SPTBN1: variants seen among roughly 807,000 people sequenced by gnomAD.
The protein encoded by SPTBN1 is spectrin beta chain, non-erythrocytic 1.
SPTBN1 carries 32 observed loss-of-function variants against 266.4 expected under a neutral mutation model. The ratio of observed to expected loss-of-function variants is 0.12; its 90% CI spans 0.09 to 0.16. SPTBN1 has a LOEUF of 0.16. Ranked by LOEUF, SPTBN1 falls within the 10% of genes least tolerant of loss-of-function variation. The pLI is 1.00. For synonymous variants in SPTBN1, 1,336 were observed against 1,162.2 expected (o/e 1.15, Z -3.04); for missense variants, 2,296 against 3,067.1 (o/e 0.75, Z 5.94).
At position 54,575,485 on chromosome 2, in the gene SPTBN1, A is replaced by T. The variant is rs567598218; in HGVS notation, c.149-23607A>T. On this transcript the variant is annotated intron_variant, in intron 2 of 35. Coordinates refer to ENST00000356805, the MANE Select transcript of SPTBN1 (RefSeq NM_003128.3). ...GTAATGCATCTGCATATCTCGAAGGACAAAACTGACGTCCACCCACTTGTG... is the reference window on the plus strand; with the variant it reads ...GTAATGCATCTGCATATCTCGAAGGTCAAAACTGACGTCCACCCACTTGTG... 1.5e-3 allele frequency among the ~76,000 whole-genome samples: 236 copies of T among 152,394 alleles called. 1 individual carries two copies. Among genetic ancestry groups the T allele is most frequent in the Non-Finnish European group, 2.7e-3 (183 of 68,040 alleles).
At chr2:54,457,857 T>G (rs923927497) in intron 1 of SPTBN1, among the ~76,000 whole-genome samples, 1 of 152,222 alleles carries the variant, frequency 6.6e-6, no homozygotes, top group Non-Finnish European at 1.5e-5. Flanking sequence ...GCACCTCTTC[T>G]TGGGCTGCGC....
At chr2:54,507,279 G>T (rs1430758938) in intron 1 of SPTBN1, among the ~76,000 whole-genome samples, 1 of 152,058 alleles carries the variant, frequency 6.6e-6, no homozygotes, top group Non-Finnish European at 1.5e-5. Flanking sequence ...GCTTAGCTTG[G>T]GCTCAGAGGC....
intron 1 of SPTBN1, among the ~76,000 whole-genome samples, chr2:54,506,894 C>CT (rs779582626): frequency 7.5e-6 from 1 of 133,502 alleles, no homozygotes; most frequent in East Asian, 2.1e-4. Context: ...GGTTCTCTCT[C>CT]TTTTTTTTTT....
At chr2:54,539,010 G>A (rs1049328736) in intron 2 of SPTBN1, among the ~76,000 whole-genome samples, 6 of 152,082 alleles carry the variant, frequency 3.9e-5, no homozygotes, top group Non-Finnish European at 5.9e-5. Context: ...TGCCTGTATG[G>A]TTCACAGTAA....
chr2:54,593,873 G>A lies in SPTBN1; in HGVS notation c.149-5219G>A, dbSNP rs138333461. ...TTTGAGACAGAGTCTTAACGCTGTCGCCCAGGCTGGAGTGCGGTGGCATGA... is the reference window on the plus strand; with the variant it reads ...TTTGAGACAGAGTCTTAACGCTGTCACCCAGGCTGGAGTGCGGTGGCATGA... On this transcript the variant is annotated intron_variant, in intron 2 of 35. Coordinates refer to ENST00000356805, the MANE Select transcript of SPTBN1 (RefSeq NM_003128.3). 4.9e-3 allele frequency among the ~76,000 whole-genome samples: 556 copies of A among 114,578 alleles called. 5 individuals are homozygous for A. Among genetic ancestry groups the A allele is most frequent in the Middle Eastern group, 0.033 (4 of 120 alleles). 75.2% of individuals were successfully genotyped at this position (114,578 alleles called of 152,430 possible). A position where few individuals can be genotyped will look rare whatever the true frequency, so the allele number is the denominator to read the frequency against.
intron 2 of SPTBN1, 143 bp downstream of exon 2, chr2:54,526,709 C>A: frequency 9.7e-7 from 1 of 1,026,752 alleles, no homozygotes; most frequent in Non-Finnish European, 1.3e-6. Context: ...AGCCAGCTGA[C>A]CATTTTATAA....
intron 9 of SPTBN1, 77 bp from the exon 10 acceptor site, chr2:54,623,400 TTA>T: frequency 8.0e-7 from 1 of 1,247,144 alleles, no homozygotes. Context: ...CAGACCAGAG[TTA>T]AATGGTTTTT....
intron 1 of SPTBN1, chr2:54,515,771 C>T (rs990568519): frequency 1.3e-5 from 2 of 152,234 alleles, no homozygotes; most frequent in Non-Finnish European, 2.9e-5. Flanking sequence ...AAATGATCCT[C>T]CTGCCTGGGC....
intron 3 of SPTBN1, among the ~76,000 whole-genome samples, chr2:54,605,874 G>T (rs1017532725): frequency 2.0e-5 from 3 of 152,206 alleles, no homozygotes; most frequent in Non-Finnish European, 4.4e-5. Flanking sequence ...GGTCTGGAAT[G>T]AACCATCCCT....
chr2:54,559,132 G>A (rs1673098068), intron 2 of SPTBN1, among the ~76,000 whole-genome samples: 2 of 152,150 alleles, frequency 1.3e-5, no homozygotes, highest in South Asian at 4.2e-4. Flanking sequence ...GATAACTGCT[G>A]CACACACATT....
chr2:54,532,186 G>A (rs1238115805), intron 2 of SPTBN1, among the ~76,000 whole-genome samples: 4 of 152,090 alleles, frequency 2.6e-5, no homozygotes, highest in Non-Finnish European at 4.4e-5. Context: ...CTAGTTGGGA[G>A]GCTGAGACAG....
intron 2 of SPTBN1, among the ~76,000 whole-genome samples, chr2:54,593,842 T>TC (rs1175693181): frequency 7.3e-6 from 1 of 137,642 alleles, no homozygotes; most frequent in African/African-American, 2.7e-5. Context: ...TTTTTTTTTT[T>TC]TTTTTTTTGA....
chr2:54,512,878 G>A (rs1669929534), intron 1 of SPTBN1, among the ~76,000 whole-genome samples: 1 of 152,186 alleles, frequency 6.6e-6, no homozygotes, highest in South Asian at 2.1e-4. Flanking sequence ...TGGCTTAGGT[G>A]CCATGCTGGT....
In SPTBN1 at chr2:54,622,628, T is replaced by A; in HGVS notation, c.1064+141T>A. 3 of 966,764 alleles carry A rather than the reference T, an allele frequency of 3.1e-6. No individual in the cohort carries two copies. The South Asian group carries it at 5.4e-5, about 17-fold the overall frequency. 59.9% of individuals were successfully genotyped at this position (966,764 alleles called of 1,614,324 possible). On this transcript the variant is annotated intron_variant, in intron 9 of 35. Coordinates refer to ENST00000356805, the MANE Select transcript of SPTBN1 (RefSeq NM_003128.3). ...TGTGTCCTACTCCTTTTCATCTGAC[T>A]CTGTTTTGCTGAGATTTATGATAGA...
chr2:54,611,087 T>TGATA (rs1677177973), intron 3 of SPTBN1, among the ~76,000 whole-genome samples: 1 of 152,224 alleles, frequency 6.6e-6, no homozygotes, highest in South Asian at 2.1e-4. Context: ...TGTTTGTGTG[T>TGATA]ATGAGTTTTG....
chr2:54,629,826 A>C (rs1176176647), intron 14 of SPTBN1, 23 bp downstream of exon 14: 1 of 1,611,350 alleles, frequency 6.2e-7, no homozygotes, highest in Non-Finnish European at 8.5e-7. Flanking sequence ...CTGGTCAGCC[A>C]CTGGCCTGTT....
At chr2:54,524,758 G>GC (rs1262800001) in intron 1 of SPTBN1, among the ~76,000 whole-genome samples, 1 of 152,164 alleles carries the variant, frequency 6.6e-6, no homozygotes, top group Non-Finnish European at 1.5e-5. Flanking sequence ...CTCTCCCGCT[G>GC]CCCACTAGAC....
chr2:54,479,568 A>C (rs1274041525), intron 1 of SPTBN1, among the ~76,000 whole-genome samples: 1 of 152,208 alleles, frequency 6.6e-6, no homozygotes, highest in East Asian at 1.9e-4. Flanking sequence ...CAGCAGGCAT[A>C]AACTAGGAAG....
chr2:54,484,457 C>G (rs1668250171), intron 1 of SPTBN1, among the ~76,000 whole-genome samples: 1 of 152,136 alleles, frequency 6.6e-6, no homozygotes, highest in East Asian at 1.9e-4. Context: ...TTGCCATTTT[C>G]TATATTCTCT....
Sources: allele counts gnomAD v4.1 joint callset (sites outside exome capture counted in the v4.1 genomes callset), GRCh38; gene constraint gnomAD v4.1.1; transcripts MANE v1.5; gene names NCBI Gene and HGNC (gene_info 2026-07-23, HGNC 2026-07-21).